The following STK39 variants were observed in gnomAD, a reference collection of about 807,000 sequenced individuals.
STK39 encodes the protein serine/threonine kinase 39, also known as STE20/SPS1-related proline-alanine-rich protein kinase.
Under a neutral mutation model 77.8 loss-of-function variants are expected in STK39, and 20 were observed. The observed-to-expected ratio is 0.26, with a 90% CI of 0.18 to 0.37. The LOEUF (loss-of-function observed/expected upper bound fraction) is 0.37, where lower values mean the gene tolerates loss of function less well. STK39 is among the 10% of genes least tolerant of loss of function. The pLI is 1.00. For missense variants in STK39, 479 were observed against 656.5 expected, an observed-to-expected ratio of 0.73 and a Z score of 2.95; for synonymous variants, 246 against 234.1, an observed-to-expected ratio of 1.05 and a Z score of -0.47.
intron 10 of STK39, among the ~76,000 whole-genome samples, chr2:168,127,649 G>A (rs1274916099): frequency 2.0e-5 from 3 of 152,186 alleles, no homozygotes; most frequent in Non-Finnish European, 4.4e-5. Flanking sequence ...GTCTTTATTA[G>A]ACAGGAACCA....
chr2:167,975,361 T>C (rs1322954533), intron 16 of STK39, among the ~76,000 whole-genome samples: 5 of 151,784 alleles, frequency 3.3e-5, no homozygotes, highest in Non-Finnish European at 1.5e-5. Flanking sequence ...AAATCTACAA[T>C]AGAATGTAGA....
intron 14 of STK39, among the ~76,000 whole-genome samples, chr2:168,044,297 T>C (rs1422862918): frequency 2.0e-5 from 3 of 152,160 alleles, no homozygotes; most frequent in Non-Finnish European, 2.9e-5. Flanking sequence ...ACCAATAACA[T>C]AGTAGAGATT....
chr2:168,054,236 G>C (rs1685466630), intron 14 of STK39, among the ~76,000 whole-genome samples: 1 of 152,212 alleles, frequency 6.6e-6, no homozygotes, highest in African/African-American at 2.4e-5. Context: ...CAAGGCCACA[G>C]GGTCAGGGAA....
At chr2:168,183,350 C>T (rs967155003) in intron 1 of STK39, among the ~76,000 whole-genome samples, 1 of 152,128 alleles carries the variant, frequency 6.6e-6, no homozygotes, top group African/African-American at 2.4e-5. Context: ...TACTGACCAC[C>T]CACTGCACAG....
rs928645687 is a variant in STK39 at position 167,968,762 on chromosome 2, T to C, written c.1499-4036A>G. Among the ~76,000 whole-genome samples the C allele has an allele frequency of 2.6e-4, 39 of 152,138 alleles. 1 individual carries two copies. The highest frequency in any genetic ancestry group is 7.4e-5 in the Non-Finnish European group (5 of 68,014). ...AGCTCTAAGTAAGGAGAAAAGGAGATGGTACGAGGGTAGGTTTCTTATGGA... is the reference window on the plus strand; with the variant it reads ...AGCTCTAAGTAAGGAGAAAAGGAGACGGTACGAGGGTAGGTTTCTTATGGA... On this transcript the variant is annotated intron_variant, in intron 16 of 17. Coordinates refer to ENST00000355999, the MANE Select transcript of STK39 (RefSeq NM_013233.3).
At chr2:168,217,993 GTAAATCAC>G (rs1341778444) in intron 1 of STK39, among the ~76,000 whole-genome samples, 1 of 152,188 alleles carries the variant, frequency 6.6e-6, no homozygotes, top group Non-Finnish European at 1.5e-5. Context: ...CCTCCTAGCA[GTAAATCAC>G]TAAAAGTCTC....
At chr2:168,011,294 G>T (rs945488656) in intron 16 of STK39, among the ~76,000 whole-genome samples, 1 of 151,974 alleles carries the variant, frequency 6.6e-6, no homozygotes, top group African/African-American at 2.4e-5. Context: ...GTGAGACCCT[G>T]TCTCAAAAAA....
chr2:167,962,495 C>T (rs1031650813), intron 17 of STK39, among the ~76,000 whole-genome samples: 6 of 152,260 alleles, frequency 3.9e-5, no homozygotes, highest in Non-Finnish European at 7.4e-5. Flanking sequence ...GTTTGGTTTT[C>T]GTTAACCATC....
At chr2:168,228,440 A>G (rs924682275) in intron 1 of STK39, among the ~76,000 whole-genome samples, 1 of 152,068 alleles carries the variant, frequency 6.6e-6, no homozygotes, top group Non-Finnish European at 1.5e-5. Context: ...TTCACTCATC[A>G]GTGTTGTATA....
chr2:168,129,774 T>G lies in STK39; in HGVS notation c.975-16A>C. ...TGCTGTGGGCCTGAAAGATCAATAA[T>G]AAATTAGAGTTGAAACAATGACCAC... On this transcript the variant is annotated splice_polypyrimidine_tract_variant and intron_variant, in intron 8 of 17. Coordinates refer to ENST00000355999, the MANE Select transcript of STK39 (RefSeq NM_013233.3). 6.2e-7 allele frequency: 1 copy of G among 1,612,868 alleles called. No individual in the cohort carries two copies. The highest frequency in any genetic ancestry group is 8.5e-7 in the Non-Finnish European group (1 of 1,179,774).
chr2:168,192,814 G>A (rs73031026), intron 1 of STK39, among the ~76,000 whole-genome samples: 4,977 of 152,240 alleles, frequency 0.033, 244 homozygotes, highest in African/African-American at 0.11. Flanking sequence ...CAGACACCTG[G>A]ATAGAAACTA....
At chr2:168,134,038 T>C (rs1687769732) in intron 8 of STK39, among the ~76,000 whole-genome samples, 1 of 152,180 alleles carries the variant, frequency 6.6e-6, no homozygotes, top group Non-Finnish European at 1.5e-5. Flanking sequence ...CAGCCTACCT[T>C]TTAGCTGAGT....
At chr2:168,040,724 T>C (rs1315741206) in intron 14 of STK39, among the ~76,000 whole-genome samples, 2 of 152,190 alleles carry the variant, frequency 1.3e-5, no homozygotes, top group African/African-American at 2.4e-5. Context: ...TACCTTTAAT[T>C]GACAAAATGT....
chr2:168,131,583 G>C (rs986128098), intron 8 of STK39, among the ~76,000 whole-genome samples: 2 of 152,176 alleles, frequency 1.3e-5, no homozygotes, highest in Admixed American at 1.3e-4. Flanking sequence ...TCTGTGCAAA[G>C]AAATTTTCTG....
chr2:168,098,975 A>C (rs115993170), intron 10 of STK39, among the ~76,000 whole-genome samples: 7,057 of 152,280 alleles, frequency 0.046, 438 homozygotes, highest in African/African-American at 0.14. Context: ...CACTCTTGGA[A>C]TCCAGTGACT....
At chr2:168,141,022 C>G (rs560523278) in intron 5 of STK39, among the ~76,000 whole-genome samples, 3 of 152,238 alleles carry the variant, frequency 2.0e-5, no homozygotes, top group Admixed American at 2.0e-4. Flanking sequence ...AGGGTGTTAG[C>G]TTTTAGCTGA....
At chr2:168,165,018 T>C (rs543116393) in intron 3 of STK39, among the ~76,000 whole-genome samples, 26 of 152,244 alleles carry the variant, frequency 1.7e-4, no homozygotes, top group African/African-American at 5.5e-4. Context: ...ATTAAGAGAT[T>C]CAATGTAATG....
intron 16 of STK39, among the ~76,000 whole-genome samples, 169 bp downstream of exon 16, chr2:168,012,465 G>A (rs908089792): frequency 2.6e-5 from 4 of 152,042 alleles, no homozygotes; most frequent in African/African-American, 4.8e-5. Context: ...GAGTCATGGC[G>A]CCCGTCCAAA....
chr2:167,968,217 T>A (rs769198970), intron 16 of STK39, among the ~76,000 whole-genome samples: 10 of 152,228 alleles, frequency 6.6e-5, no homozygotes, highest in Non-Finnish European at 1.3e-4. Context: ...TGATTCGATA[T>A]CTTTGCTATT....
Sources: gnomAD v4.1 joint callset for allele counts (sites outside exome capture counted in the v4.1 genomes callset) on GRCh38, gnomAD v4.1.1 for gene constraint, MANE v1.5 for transcripts, NCBI Gene and HGNC (gene_info 2026-07-23, HGNC 2026-07-21) for gene names.